The following FTO variants were observed in gnomAD, a reference collection of about 807,000 sequenced individuals.
The protein encoded by FTO is FTO alpha-ketoglutarate dependent dioxygenase.
Under a neutral mutation model 63.9 loss-of-function variants are expected in FTO, and 47 were observed. That is an observed-to-expected ratio of 0.74 (90% CI 0.58 to 0.94). The LOEUF is 0.94. Ranked by LOEUF, FTO falls within the 40% of genes least tolerant of loss-of-function variation. FTO has a pLI of 0.00. For synonymous variants in FTO, 207 were observed against 224.4 expected, an observed-to-expected ratio of 0.92 and a Z score of 0.69; for missense variants, 562 against 618.1, an observed-to-expected ratio of 0.91 and a Z score of 0.96.
intron 8 of FTO, among the ~76,000 whole-genome samples, chr16:53,954,125 G>A (rs1390716020): frequency 6.6e-6 from 1 of 152,162 alleles, no homozygotes; most frequent in Non-Finnish European, 1.5e-5. Flanking sequence ...ATATGAACAA[G>A]GTTCTCAGTT....
chr16:53,764,473 T>TAAAAAAA (rs1410500211), intron 1 of FTO, among the ~76,000 whole-genome samples: 3 of 32,066 alleles, frequency 9.4e-5, no homozygotes, highest in African/African-American at 3.0e-4. Context: ...CTACTAAAAA[T>TAAAAAAA]ACAAAAAAAA....
chr16:53,804,769 C>G (rs1204455094), intron 1 of FTO, among the ~76,000 whole-genome samples: 2 of 151,892 alleles, frequency 1.3e-5, no homozygotes, highest in East Asian at 3.9e-4. Flanking sequence ...GTGTGCGCCA[C>G]CATGGCCGGC....
At chr16:53,722,303 T>C (rs1465155712) in intron 1 of FTO, among the ~76,000 whole-genome samples, 1 of 152,214 alleles carries the variant, frequency 6.6e-6, no homozygotes, top group Non-Finnish European at 1.5e-5. Context: ...CTCTTTTCCC[T>C]ATGGGGATTA....
At chr16:53,738,840 T>A (rs534793728) in intron 1 of FTO, among the ~76,000 whole-genome samples, 24 of 152,204 alleles carry the variant, frequency 1.6e-4, no homozygotes, top group African/African-American at 4.8e-4. Context: ...ATTGCCTATT[T>A]AAAAAAAATT....
At chr16:53,867,789 G>A (rs1053697818) in intron 4 of FTO, among the ~76,000 whole-genome samples, 2 of 152,074 alleles carry the variant, frequency 1.3e-5, no homozygotes, top group Non-Finnish European at 2.9e-5. Context: ...TTCTGATAGA[G>A]GGATGTTGAC....
In FTO at chr16:54,114,011, T is replaced by C. The variant is rs1315059401; in HGVS notation, c.*2096T>C. The C allele has an allele frequency of 1.3e-5, 2 of 152,128 alleles. No homozygotes were observed. The highest frequency in any genetic ancestry group is 2.4e-5 in the African/African-American group (1 of 41,432). The allele number at this position is 152,128 out of a possible 1,614,324, so 9.4% of individuals were successfully genotyped here. A position where few individuals can be genotyped will look rare whatever the true frequency, so the allele number is the denominator to read the frequency against. On this transcript the variant is annotated 3_prime_UTR_variant, in exon 9 of 9. Coordinates refer to ENST00000471389, the MANE Select transcript of FTO (RefSeq NM_001080432.3). The stretch of plus-strand genomic sequence containing the variant: ...TTAGCAGAGATGGGGTTTCACCACA[T>C]TGGCCAGGATGGTCTCGATCTCAAC...
chr16:53,736,543 C>G (rs2076394997), intron 1 of FTO, among the ~76,000 whole-genome samples: 1 of 152,140 alleles, frequency 6.6e-6, no homozygotes, highest in Non-Finnish European at 1.5e-5. Flanking sequence ...ACTGCCTCTG[C>G]TTAAGTTTAG....
At chr16:53,705,735 C>T (rs2075598310) in intron 1 of FTO, among the ~76,000 whole-genome samples, 2 of 152,208 alleles carry the variant, frequency 1.3e-5, no homozygotes, top group African/African-American at 2.4e-5. Flanking sequence ...CTTTAGTCTA[C>T]ACAGTGCAAA....
chr16:53,869,145 C>T (rs924694904), intron 4 of FTO, among the ~76,000 whole-genome samples: 6 of 152,002 alleles, frequency 3.9e-5, no homozygotes, highest in African/African-American at 1.4e-4. Flanking sequence ...TTCTCCTTTA[C>T]TTTTAAAGGG....
chr16:53,880,906 C>T (rs56196292), intron 6 of FTO, among the ~76,000 whole-genome samples: 24,952 of 142,518 alleles, frequency 0.18, 2,445 homozygotes, highest in South Asian at 0.33. Flanking sequence ...TCGAGACCAT[C>T]CTGGCTAACA....
intron 8 of FTO, among the ~76,000 whole-genome samples, chr16:54,041,861 G>A (rs565614988): frequency 6.6e-6 from 1 of 152,308 alleles, no homozygotes; most frequent in East Asian, 1.9e-4. Flanking sequence ...CTCCTGAAAC[G>A]TGCTGCCCGA....
intron 1 of FTO, among the ~76,000 whole-genome samples, chr16:53,790,579 C>CAAAAAAAAAAAAAAAAAAAAAAAGAA (rs34860208): frequency 3.6e-4 from 20 of 55,184 alleles, no homozygotes; most frequent in Non-Finnish European, 4.8e-4. Context: ...CAAAATAAAG[C>CAAAAAAAAAAAAAAAAAAAAAAAGAA]AAAAAAAAAA....
At chr16:54,001,701 T>A (rs1329762490) in intron 8 of FTO, among the ~76,000 whole-genome samples, 1 of 152,228 alleles carries the variant, frequency 6.6e-6, no homozygotes, top group African/African-American at 2.4e-5. Context: ...AGAGCTCATC[T>A]ATAAAATTCA....
intron 8 of FTO, among the ~76,000 whole-genome samples, chr16:54,080,924 G>C (rs868847922): frequency 6.6e-6 from 1 of 152,140 alleles, no homozygotes; most frequent in Non-Finnish European, 1.5e-5. Context: ...GCTTGGAGGC[G>C]TCACAAGCTC....
At chr16:53,813,136 T>C (rs2078579849) in intron 2 of FTO, among the ~76,000 whole-genome samples, 1 of 151,920 alleles carries the variant, frequency 6.6e-6, no homozygotes, top group African/African-American at 2.4e-5. Context: ...TCAAGACTTC[T>C]CTGTTATCTT....
Position 53,750,352 on chromosome 16 carries a change from C to T in FTO, c.45+46123C>T, listed in dbSNP as rs528629965. Among the ~76,000 whole-genome samples the T allele has an allele frequency of 2.1e-3, 320 of 152,134 alleles. 2 individuals carry two copies. The highest frequency in any genetic ancestry group is 0.018 in the South Asian group (89 of 4,812). ...TCCCAGGTTCAAGCAATTCTCCTGC[C>T]TCAGCCTCCTGAGTAACTGGGATTA... is the stretch of plus-strand genomic sequence containing the variant. On this transcript the variant is annotated intron_variant, in intron 1 of 8. Coordinates refer to ENST00000471389, the MANE Select transcript of FTO (RefSeq NM_001080432.3).
intron 8 of FTO, among the ~76,000 whole-genome samples, chr16:54,069,004 T>C (rs1426773897): frequency 1.3e-5 from 2 of 152,204 alleles, no homozygotes; most frequent in East Asian, 3.9e-4. Context: ...CAACCATATA[T>C]ATTTCCAAAA....
intron 8 of FTO, among the ~76,000 whole-genome samples, chr16:54,062,451 A>T (rs1433001609): frequency 6.6e-6 from 1 of 152,202 alleles, no homozygotes; most frequent in African/African-American, 2.4e-5. Flanking sequence ...AGTGATGGGT[A>T]TCTAAGCACT....
At chr16:53,936,436 G>A (rs956104028) in intron 8 of FTO, among the ~76,000 whole-genome samples, 8 of 152,086 alleles carry the variant, frequency 5.3e-5, no homozygotes, top group South Asian at 2.1e-4. Flanking sequence ...TCATCCATGC[G>A]ATCCGTATAA....
Sources: allele counts gnomAD v4.1 joint callset (sites outside exome capture counted in the v4.1 genomes callset), GRCh38; gene constraint gnomAD v4.1.1; transcripts MANE v1.5; gene names NCBI Gene and HGNC (gene_info 2026-07-23, HGNC 2026-07-21).